The following SHISA6 variants were observed in gnomAD, a reference collection of about 807,000 sequenced individuals.
SHISA6 encodes the protein shisa family member 6.
Under a neutral mutation model 47.9 loss-of-function variants are expected in SHISA6, and 22 were observed. The observed-to-expected ratio is 0.46, with a 90% CI of 0.33 to 0.66. SHISA6 has a LOEUF of 0.66. Among genes scored for constraint, SHISA6 ranks in the 30% least tolerant of loss-of-function variants. The probability of loss-of-function intolerance (pLI) is 0.02; values close to 1 mark genes in which losing one functional copy is unlikely to be tolerated. For synonymous variants in SHISA6, 388 were observed against 337.8 expected (o/e 1.15, Z -1.63); for missense variants, 680 against 764.6 (o/e 0.89, Z 1.30).
chr17:11,437,865 CAG>C (rs933673504), intron 3 of SHISA6, among the ~76,000 whole-genome samples: 11 of 152,140 alleles, frequency 7.2e-5, no homozygotes, highest in African/African-American at 2.7e-4. Flanking sequence ...GGAGATTCAC[CAG>C]AGTCTCTTCG....
chr17:11,344,803 C>T (rs938808335), intron 2 of SHISA6, among the ~76,000 whole-genome samples: 2 of 152,122 alleles, frequency 1.3e-5, no homozygotes, highest in African/African-American at 4.8e-5. Context: ...AAAATCTCTT[C>T]TAGTCATTTG....
chr17:11,398,015 T>C (rs917455262), intron 3 of SHISA6, among the ~76,000 whole-genome samples: 1 of 152,186 alleles, frequency 6.6e-6, no homozygotes, highest in Non-Finnish European at 1.5e-5. Flanking sequence ...TGAATTTCTG[T>C]TTTAAAACTT....
intron 2 of SHISA6, among the ~76,000 whole-genome samples, chr17:11,286,655 T>C (rs1195386614): frequency 2.0e-5 from 3 of 152,218 alleles, no homozygotes; most frequent in Non-Finnish European, 2.9e-5. Flanking sequence ...CAGGACTAAC[T>C]TCAGTTTCTC....
chr17:11,376,775 T>C (rs564618383), intron 2 of SHISA6, among the ~76,000 whole-genome samples: 1 of 152,276 alleles, frequency 6.6e-6, no homozygotes, highest in South Asian at 2.1e-4. Flanking sequence ...TAGTGGTTCA[T>C]GAAGAGTTGT....
At position 11,558,124 on chromosome 17, in the gene SHISA6, G is replaced by A; in HGVS notation, c.1476G>A (p.Met492Ile). Reference sequence around the variant, plus strand: ...CACCCGTGCTGGACCGCTACCGCATGAGCAAGATGCACTCTCATCCCAGTG... The same window carrying A: ...CACCCGTGCTGGACCGCTACCGCATAAGCAAGATGCACTCTCATCCCAGTG... The part of the protein sequence containing the change: ...VSTPVLDRYR[M>I]SKMHSHPSAS... The change falls in exon 6 of 6, where the codon ATG becomes ATA. Residue 492 changes from methionine to isoleucine, a missense_variant. Around this residue, in one of 2 missense-constraint regions of SHISA6, gnomAD observed 559 missense variants for 674.1 expected, o/e 0.83. Coordinates refer to ENST00000441885, the MANE Select transcript of SHISA6 (RefSeq NM_207386.4). 1 of 1,551,304 alleles carries A rather than the reference G, an allele frequency of 6.4e-7. No homozygotes were observed. The highest frequency in any genetic ancestry group is 1.7e-4 in the Middle Eastern group (1 of 5,992).
At chr17:11,262,533 T>G (rs1908268185) in intron 1 of SHISA6, among the ~76,000 whole-genome samples, 2 of 152,230 alleles carry the variant, frequency 1.3e-5, no homozygotes, top group Non-Finnish European at 2.9e-5. Flanking sequence ...CCCTAAATTA[T>G]GAACCCCTAG....
chr17:11,332,812 G>C lies in SHISA6; in HGVS notation c.800-46602G>C, dbSNP rs963685171. Among the ~76,000 whole-genome samples the C allele has an allele frequency of 8.5e-5, 13 of 152,250 alleles. No individual in the cohort carries two copies. The South Asian group carries it at 2.7e-3, about 32-fold the overall frequency. On this transcript the variant is annotated intron_variant, in intron 2 of 5. Coordinates refer to ENST00000441885, the MANE Select transcript of SHISA6 (RefSeq NM_207386.4). ...TAGGAAACAATTCCAATAAATTAGTGGGGGGTTTTGACAGAGCAACCCGTC... is the reference window on the plus strand; with the variant it reads ...TAGGAAACAATTCCAATAAATTAGTCGGGGGTTTTGACAGAGCAACCCGTC...
intron 3 of SHISA6, among the ~76,000 whole-genome samples, chr17:11,382,750 T>A (rs1355676957): frequency 6.6e-6 from 1 of 152,140 alleles, no homozygotes; most frequent in African/African-American, 2.4e-5. Context: ...CAGGACTAAA[T>A]GGGTAGCCAA....
At chr17:11,268,453 A>G in intron 2 of SHISA6, among the ~76,000 whole-genome samples, 1 of 152,148 alleles carries the variant, frequency 6.6e-6, no homozygotes, top group Admixed American at 6.5e-5. Flanking sequence ...TTCTCCAGAC[A>G]CACTGTTTCT....
intron 1 of SHISA6, among the ~76,000 whole-genome samples, chr17:11,260,296 A>T (rs1467452400): frequency 2.6e-5 from 4 of 152,108 alleles, no homozygotes. Context: ...CTTTTGTTTG[A>T]TATATCAGAT....
intron 2 of SHISA6, among the ~76,000 whole-genome samples, chr17:11,346,560 C>G (rs1911705719): frequency 6.6e-6 from 1 of 152,134 alleles, no homozygotes; most frequent in South Asian, 2.1e-4. Flanking sequence ...AATAATAAAG[C>G]AAATCCATCA....
chr17:11,253,310 A>AT (rs1907885241), intron 1 of SHISA6, among the ~76,000 whole-genome samples: 1 of 36,946 alleles, frequency 2.7e-5, no homozygotes, highest in African/African-American at 4.6e-5. Flanking sequence ...ACCTGGGCAA[A>AT]GTTTTTTTTT....
At chr17:11,470,476 C>G in intron 3 of SHISA6, among the ~76,000 whole-genome samples, 1 of 152,146 alleles carries the variant, frequency 6.6e-6, no homozygotes, top group South Asian at 2.1e-4. Flanking sequence ...AAGAACATCC[C>G]CCACAACAAG....
chr17:11,342,508 GA>G (rs758898817), intron 2 of SHISA6, among the ~76,000 whole-genome samples: 3 of 152,084 alleles, frequency 2.0e-5, no homozygotes, highest in Admixed American at 6.5e-5. Context: ...CCAAAGGGGT[GA>G]AAAAACACAT....
intron 3 of SHISA6, among the ~76,000 whole-genome samples, chr17:11,403,238 CT>C (rs1276837780): frequency 4.6e-5 from 7 of 152,266 alleles, no homozygotes; most frequent in South Asian, 2.1e-4. Flanking sequence ...AGTAATTGCT[CT>C]CAAGACTCAG....
intron 3 of SHISA6, among the ~76,000 whole-genome samples, chr17:11,433,561 A>C (rs1914850436): frequency 6.6e-6 from 1 of 152,184 alleles, no homozygotes; most frequent in Non-Finnish European, 1.5e-5. Flanking sequence ...GTGTTCAACC[A>C]TTGTGGAAGA....
At chr17:11,376,515 G>A (rs141690872) in intron 2 of SHISA6, among the ~76,000 whole-genome samples, 125 of 152,016 alleles carry the variant, frequency 8.2e-4, no homozygotes, top group African/African-American at 2.9e-3. Flanking sequence ...TAGTAAAGAC[G>A]GGGTTTTGCC....
intron 3 of SHISA6, among the ~76,000 whole-genome samples, chr17:11,439,048 G>A (rs1157838037): frequency 6.6e-6 from 1 of 152,114 alleles, no homozygotes; most frequent in Non-Finnish European, 1.5e-5. Flanking sequence ...GTTCTGGGGA[G>A]TTAATTACAC....
At chr17:11,496,735 T>C (rs1214859667) in intron 3 of SHISA6, among the ~76,000 whole-genome samples, 4 of 134,752 alleles carry the variant, frequency 3.0e-5, no homozygotes. Context: ...CGAGACTCCA[T>C]CTCAAAAAAA....
Sources: allele counts gnomAD v4.1 joint callset (sites outside exome capture counted in the v4.1 genomes callset), GRCh38; gene constraint gnomAD v4.1.1; regional missense constraint gnomAD v4.1.1; transcripts MANE v1.5; gene names NCBI Gene and HGNC (gene_info 2026-07-23, HGNC 2026-07-21).